The following COL25A1 variants were observed in gnomAD, a reference collection of about 807,000 sequenced individuals.
COL25A1 encodes the protein collagen type XXV alpha 1 chain, also known as collagen alpha-1(XXV) chain.
In COL25A1, 103 loss-of-function variants were observed where a neutral mutation model predicts 128.4. That is an observed-to-expected ratio of 0.80 (90% CI 0.68 to 0.94). The LOEUF (loss-of-function observed/expected upper bound fraction) is 0.94, where lower values mean the gene tolerates loss of function less well. Ranked by LOEUF, COL25A1 falls within the 40% of genes least tolerant of loss-of-function variation. COL25A1 has a pLI of 0.00. For synonymous variants in COL25A1, 279 were observed against 277.2 expected, an observed-to-expected ratio of 1.01 and a Z score of -0.06; for missense variants, 745 against 840.0, an observed-to-expected ratio of 0.89 and a Z score of 1.40.
intron 5 of COL25A1, among the ~76,000 whole-genome samples, chr4:109,047,508 A>G (rs574650805): frequency 1.3e-5 from 2 of 152,252 alleles, no homozygotes; most frequent in South Asian, 4.1e-4. Context: ...GGGATAAACG[A>G]CCACAAATAG....
intron 5 of COL25A1, among the ~76,000 whole-genome samples, chr4:109,029,645 C>A (rs959982183): frequency 6.6e-6 from 1 of 152,006 alleles, no homozygotes; most frequent in Non-Finnish European, 1.5e-5. Flanking sequence ...GAAACATATA[C>A]GTATAGGATT....
intron 3 of COL25A1, among the ~76,000 whole-genome samples, chr4:109,201,652 G>T (rs180804106): frequency 2.8e-4 from 43 of 152,098 alleles, no homozygotes; most frequent in African/African-American, 9.9e-4. Context: ...AATAAGACAA[G>T]GAAAGGATAT....
At position 108,922,288 on chromosome 4, in the gene COL25A1, T is replaced by C. The variant is rs73838503; in HGVS notation, c.709-1684A>G. On this transcript the variant is annotated intron_variant, in intron 11 of 37. Coordinates refer to ENST00000399132, the MANE Select transcript of COL25A1 (RefSeq NM_198721.4). The stretch of plus-strand genomic sequence containing the variant: ...GAATGAAGAAAGGACTTGGGTTTTA[T>C]CATTGTCTATGATTCCATTTTCTCC... Among the ~76,000 whole-genome samples the C allele has an allele frequency of 5.0e-4, 76 of 152,344 alleles. 2 individuals are homozygous for C. The highest frequency in any genetic ancestry group is 1.8e-3 in the African/African-American group (74 of 41,580).
chr4:108,968,642 A>G (rs148623211), intron 8 of COL25A1, among the ~76,000 whole-genome samples: 96 of 151,340 alleles, frequency 6.3e-4, no homozygotes, highest in African/African-American at 2.2e-3. Context: ...TACTCTTCTT[A>G]CTCTTTTGCC....
chr4:109,056,266 T>C (rs1761437041), intron 3 of COL25A1, among the ~76,000 whole-genome samples: 1 of 152,124 alleles, frequency 6.6e-6, no homozygotes, highest in Admixed American at 6.5e-5. Context: ...TTAAATTGTT[T>C]GCTAGTAAGA....
chr4:109,027,895 A>T (rs1758461504), intron 5 of COL25A1, among the ~76,000 whole-genome samples: 1 of 152,130 alleles, frequency 6.6e-6, no homozygotes. Flanking sequence ...GAACATGCTA[A>T]ATTTGAGATC....
At chr4:109,280,286 A>G (rs1723249524) in intron 3 of COL25A1, among the ~76,000 whole-genome samples, 1 of 152,326 alleles carries the variant, frequency 6.6e-6, no homozygotes, top group South Asian at 2.1e-4. Context: ...CATCCATTCA[A>G]TGGAATTCTA....
At chr4:109,042,504 T>G (rs960248966) in intron 5 of COL25A1, among the ~76,000 whole-genome samples, 2 of 151,958 alleles carry the variant, frequency 1.3e-5, no homozygotes, top group African/African-American at 4.8e-5. Context: ...TTTGTTATGG[T>G]GACTGTTATA....
At chr4:109,076,367 T>A (rs2125988621) in intron 3 of COL25A1, among the ~76,000 whole-genome samples, 1 of 152,336 alleles carries the variant, frequency 6.6e-6, no homozygotes, top group East Asian at 1.9e-4. Context: ...CACTTTCAAC[T>A]TTTATTAACC....
intron 10 of COL25A1, among the ~76,000 whole-genome samples, chr4:108,939,074 T>C (rs147849848): frequency 6.6e-6 from 1 of 152,372 alleles, no homozygotes; most frequent in African/African-American, 2.4e-5. Context: ...TTTAATTTTG[T>C]TTTTAAAAAG....
At chr4:109,256,406 A>C (rs10007142) in intron 3 of COL25A1, among the ~76,000 whole-genome samples, 1 of 152,050 alleles carries the variant, frequency 6.6e-6, no homozygotes, top group Non-Finnish European at 1.5e-5. Flanking sequence ...GAAAGTGCAC[A>C]GGGTACCAAC....
chr4:109,208,243 C>T (rs1040622615), intron 3 of COL25A1, among the ~76,000 whole-genome samples: 3 of 152,162 alleles, frequency 2.0e-5, no homozygotes, highest in Non-Finnish European at 4.4e-5. Context: ...GTTCCATCTA[C>T]GAGGTAGCTC....
chr4:109,166,389 C>A (rs562132343), intron 3 of COL25A1, among the ~76,000 whole-genome samples: 23 of 152,288 alleles, frequency 1.5e-4, no homozygotes, highest in African/African-American at 5.5e-4. Flanking sequence ...CACTTTCCTT[C>A]TTTTATGTCC....
Position 109,277,488 on chromosome 4 carries a change from C to G in COL25A1, c.367+23095G>C, listed in dbSNP as rs191519236. 1.3e-4 allele frequency among the ~76,000 whole-genome samples: 20 copies of G among 152,224 alleles called. 1 individual carries two copies. The South Asian group carries it at 1.7e-3, about 13-fold the overall frequency. On this transcript the variant is annotated intron_variant, in intron 3 of 37. Coordinates refer to ENST00000399132, the MANE Select transcript of COL25A1 (RefSeq NM_198721.4). ...TTAACTGAATTCTTCAGTTTTGAAA[C>G]AGATTTTTTAAAAATTTTCTCTTCT...
intron 3 of COL25A1, among the ~76,000 whole-genome samples, chr4:109,299,994 C>A (rs1291556075): frequency 6.6e-6 from 1 of 152,124 alleles, no homozygotes; most frequent in African/African-American, 2.4e-5. Context: ...AGAGCCTCTT[C>A]TTCAAAAGTC....
chr4:108,900,730 G>A (rs1269391421), intron 14 of COL25A1, among the ~76,000 whole-genome samples: 1 of 152,078 alleles, frequency 6.6e-6, no homozygotes, highest in African/African-American at 2.4e-5. Context: ...TTGGGGAAAA[G>A]CCATAGTGAA....
intron 3 of COL25A1, among the ~76,000 whole-genome samples, chr4:109,298,344 G>A (rs1400041730): frequency 6.6e-6 from 1 of 152,120 alleles, no homozygotes; most frequent in Non-Finnish European, 1.5e-5. Flanking sequence ...AAAGAAATGA[G>A]TGAACACAAA....
intron 3 of COL25A1, among the ~76,000 whole-genome samples, chr4:109,135,050 A>T (rs1261222089): frequency 6.7e-6 from 1 of 150,080 alleles, no homozygotes; most frequent in Non-Finnish European, 1.5e-5. Flanking sequence ...AAAAAAACCA[A>T]GAGAATGCTA....
At chr4:109,191,243 T>C (rs1447258270) in intron 3 of COL25A1, among the ~76,000 whole-genome samples, 1 of 152,166 alleles carries the variant, frequency 6.6e-6, no homozygotes, top group African/African-American at 2.4e-5. Context: ...ATAAATTATG[T>C]ATTTGCCTGT....
Sources: gnomAD v4.1 joint callset for allele counts (sites outside exome capture counted in the v4.1 genomes callset) on GRCh38, gnomAD v4.1.1 for gene constraint, MANE v1.5 for transcripts, NCBI Gene and HGNC (gene_info 2026-07-23, HGNC 2026-07-21) for gene names.